The following MTMR3 variants were observed in gnomAD, a reference collection of about 807,000 sequenced individuals.
MTMR3 encodes the protein phosphatidylinositol-3,5-bisphosphate 3-phosphatase MTMR3.
MTMR3 carries 32 observed loss-of-function variants against 132.4 expected under a neutral mutation model. That is an observed-to-expected ratio of 0.24 (90% CI 0.18 to 0.32). The LOEUF is 0.32. MTMR3 is among the 10% of genes least tolerant of loss of function. The probability of loss-of-function intolerance (pLI) is 1.00; values close to 1 mark genes in which losing one functional copy is unlikely to be tolerated. For missense variants in MTMR3, 1,216 were observed against 1,489.6 expected (o/e 0.82, Z 3.02); for synonymous variants, 556 against 550.3 (o/e 1.01, Z -0.14).
chr22:29,986,274 G>A (rs763793364), intron 5 of MTMR3: 14 of 152,306 alleles, frequency 9.2e-5, no homozygotes, highest in Non-Finnish European at 1.3e-4. Flanking sequence ...AGAAAATTGA[G>A]ATTAGAACTC....
Position 29,956,505 on chromosome 22 carries a change from C to T in MTMR3, c.-137-531C>T, listed in dbSNP as rs551215104. The stretch of plus-strand genomic sequence containing the variant: ...CAAGTGATCCGCCTGCCTTGGCCTC[C>T]CAAAGTGCTGGGATTACAGGTGTGA... On this transcript the variant is annotated intron_variant, in intron 1 of 19. Transcript: ENST00000401950. Among the ~76,000 whole-genome samples the T allele has an allele frequency of 9.9e-5, 15 of 152,276 alleles. No homozygotes were observed. The East Asian group carries it at 2.5e-3, about 26-fold the overall frequency.
intron 1 of MTMR3, among the ~76,000 whole-genome samples, chr22:29,915,209 A>G (rs77356598): frequency 0.066 from 10,029 of 152,274 alleles, 400 homozygotes; most frequent in Middle Eastern, 0.099. Flanking sequence ...ATTCTTTTAT[A>G]ATGACTTGTC....
intron 16 of MTMR3, 68 bp from the exon 17 acceptor site, chr22:30,019,412 C>G (rs1300901751): frequency 7.0e-7 from 1 of 1,429,034 alleles, no homozygotes; most frequent in Non-Finnish European, 9.5e-7. Context: ...CTTGTTAAAA[C>G]CTATTGTCTC....
chr22:29,973,337 G>A lies in MTMR3; in HGVS notation c.3+2275G>A, dbSNP rs184938570. Among the ~76,000 whole-genome samples, 661 of 152,296 alleles carry A rather than the reference G, an allele frequency of 4.3e-3. 6 individuals are homozygous for A. Among genetic ancestry groups the A allele is most frequent in the African/African-American group, 0.015 (625 of 41,552 alleles). ...AGAGAAAAGTACAGTGCACTCATAT[G>A]AACATCATTCAGCTGCAGTAATCAT... On this transcript the variant is annotated intron_variant, in intron 3 of 19. Coordinates refer to ENST00000401950, the MANE Select transcript of MTMR3 (RefSeq NM_021090.4).
intron 3 of MTMR3, among the ~76,000 whole-genome samples, chr22:29,973,130 A>G (rs981686691): frequency 6.6e-5 from 10 of 152,214 alleles, no homozygotes; most frequent in Admixed American, 5.9e-4. Flanking sequence ...TAGACAATTC[A>G]GGAGCATTGA....
At chr22:29,898,727 C>T (rs751309440) in intron 1 of MTMR3, among the ~76,000 whole-genome samples, 5 of 152,028 alleles carry the variant, frequency 3.3e-5, no homozygotes, top group Non-Finnish European at 4.4e-5. Flanking sequence ...TGAACCTTCA[C>T]GCCTTCCCAT....
At chr22:29,891,306 TGC>T (rs2064793747) in intron 1 of MTMR3, among the ~76,000 whole-genome samples, 1 of 146,052 alleles carries the variant, frequency 6.8e-6, no homozygotes, top group African/African-American at 2.5e-5. Flanking sequence ...GGTATGCGTG[TGC>T]GTGTGTGTAT....
At chr22:29,907,788 C>T in intron 1 of MTMR3, among the ~76,000 whole-genome samples, 1 of 151,652 alleles carries the variant, frequency 6.6e-6, no homozygotes, top group South Asian at 2.1e-4. Flanking sequence ...GTATCTGTAT[C>T]TTTTTTTTTG....
chr22:29,890,562 G>A lies in MTMR3; in HGVS notation c.-138+7203G>A, dbSNP rs1257210695. Reference sequence around the variant, plus strand: ...GATTATTAGGTCAAACGGTACGTGTGTTTTAAATTTAGATATACTCAAGAT... The same window carrying A: ...GATTATTAGGTCAAACGGTACGTGTATTTTAAATTTAGATATACTCAAGAT... On this transcript the variant is annotated intron_variant, in intron 1 of 19. Coordinates refer to ENST00000401950, the MANE Select transcript of MTMR3 (RefSeq NM_021090.4). Among the ~76,000 whole-genome samples the A allele has an allele frequency of 2.6e-5, 4 of 152,118 alleles. No homozygotes were observed. In the South Asian group the frequency reaches 8.3e-4, roughly 32 times the overall value.
rs146606152 is a variant in MTMR3 at position 30,018,064 on chromosome 22, C to T, written c.1812C>T (p.Pro604=). The T allele has an allele frequency of 5.8e-5, 94 of 1,607,596 alleles. No individual in the cohort carries two copies. In the African/African-American group the frequency reaches 1.1e-3, roughly 19 times the overall value. Residue 604 remains proline, a synonymous_variant, in exon 16 of 20, where the codon CCC becomes CCT. Coordinates refer to ENST00000401950, the MANE Select transcript of MTMR3 (RefSeq NM_021090.4). ...CAGGCACCAGCCCTGATGATCCCCC[C>T]CTGAGCCGGTGAGCCCAGGGTGATG... ...PAPGTSPDDP[P]LSRLPKTRSY... is the part of the protein sequence containing the mutation.
chr22:29,919,560 T>C (rs2065371038), intron 1 of MTMR3, among the ~76,000 whole-genome samples: 1 of 152,198 alleles, frequency 6.6e-6, no homozygotes, highest in Non-Finnish European at 1.5e-5. Flanking sequence ...ATGGTCTCTA[T>C]AGCCCAGGAT....
intron 1 of MTMR3, among the ~76,000 whole-genome samples, chr22:29,893,635 T>C (rs920284373): frequency 1.3e-5 from 2 of 152,048 alleles, no homozygotes; most frequent in African/African-American, 4.8e-5. Flanking sequence ...TTCCCGCTTG[T>C]TCTGCAGTAT....
At chr22:29,985,707 C>T (rs974116370) in intron 5 of MTMR3, 1 of 152,218 alleles carries the variant, frequency 6.6e-6, no homozygotes, top group African/African-American at 2.4e-5. Context: ...GTATCTGTGA[C>T]TTGTAATACA....
chr22:29,994,392 C>CAAAAA lies in MTMR3; in HGVS notation c.460+2737_460+2741dup, dbSNP rs56016589. 3 of 114,838 alleles carry CAAAAA rather than the reference C, an allele frequency of 2.6e-5. 1 individual carries two copies. The highest frequency in any genetic ancestry group is 9.4e-5 in the African/African-American group (3 of 31,878). The allele number at this position is 114,838 out of a possible 1,614,324, so 7.1% of individuals were successfully genotyped here. On this transcript the variant is annotated intron_variant, in intron 7 of 19. Coordinates refer to ENST00000401950, the MANE Select transcript of MTMR3 (RefSeq NM_021090.4). ...AACTTGGTTTTAATTAAAAACAAAC[C>CAAAAA]AAAAAAAAAAAAAAAAAAACACCTC... is the stretch of plus-strand genomic sequence containing the variant.
intron 1 of MTMR3, among the ~76,000 whole-genome samples, chr22:29,935,668 T>C (rs1005263929): frequency 6.6e-6 from 1 of 151,704 alleles, no homozygotes; most frequent in Non-Finnish European, 1.5e-5. Context: ...TCCTCAGTTA[T>C]GACTTTTACA....
chr22:29,927,597 C>G (rs1157939520), intron 1 of MTMR3, among the ~76,000 whole-genome samples: 1 of 151,922 alleles, frequency 6.6e-6, no homozygotes, highest in Non-Finnish European at 1.5e-5. Context: ...GCCGGTACTT[C>G]TGTTCTTAGT....
intron 5 of MTMR3, chr22:29,985,654 T>C (rs1307396691): frequency 1.3e-5 from 2 of 152,240 alleles, no homozygotes; most frequent in Admixed American, 1.3e-4. Context: ...TAAGCTTTCC[T>C]GCATGTGACA....
intron 11 of MTMR3, chr22:30,008,266 T>G: frequency 4.4e-6 from 2 of 452,786 alleles, no homozygotes; most frequent in Non-Finnish European, 3.9e-6. Context: ...TGCCAACTTG[T>G]AGGTGATAAG....
intron 2 of MTMR3, among the ~76,000 whole-genome samples, chr22:29,970,344 A>AT: frequency 6.6e-6 from 1 of 151,890 alleles, no homozygotes; most frequent in Non-Finnish European, 1.5e-5. Context: ...GATGTTATTT[A>AT]TTTTTTTGAG....
Sources: allele counts gnomAD v4.1 joint callset (sites outside exome capture counted in the v4.1 genomes callset), GRCh38; gene constraint gnomAD v4.1.1; transcripts MANE v1.5; gene names NCBI Gene and HGNC (gene_info 2026-07-23, HGNC 2026-07-21).